Variants in SHC4 observed in about 807,000 individuals in gnomAD.
The protein encoded by SHC4 is SHC adaptor protein 4.
SHC4 carries 41 observed loss-of-function variants against 69.4 expected under a neutral mutation model. That is an observed-to-expected ratio of 0.59 (90% CI 0.46 to 0.77). SHC4 has a LOEUF of 0.77. SHC4 is among the 30% of genes least tolerant of loss of function. SHC4 has a pLI of 0.00. For missense variants in SHC4, 777 were observed against 783.8 expected (o/e 0.99, Z 0.10); for synonymous variants, 318 against 299.3 (o/e 1.06, Z -0.64).
chr15:48,896,174 C>T (rs2141008965), intron 2 of SHC4, among the ~76,000 whole-genome samples: 1 of 151,958 alleles, frequency 6.6e-6, no homozygotes, highest in Admixed American at 6.6e-5. Context: ...TTTGTACAAA[C>T]TTTCCTTCTT....
At chr15:48,911,947 G>A (rs1402381698) in intron 2 of SHC4, among the ~76,000 whole-genome samples, 1 of 152,152 alleles carries the variant, frequency 6.6e-6, no homozygotes, top group Non-Finnish European at 1.5e-5. Flanking sequence ...AGCTTGTAGG[G>A]TTTCTGCTGA....
chr15:48,926,507 G>A (rs1900856972), intron 1 of SHC4, among the ~76,000 whole-genome samples: 2 of 151,444 alleles, frequency 1.3e-5, no homozygotes, highest in African/African-American at 4.9e-5. Context: ...CTGTCACCCA[G>A]GCTGGTGTGC....
At chr15:48,887,969 G>C (rs1316203567) in intron 3 of SHC4, among the ~76,000 whole-genome samples, 1 of 152,138 alleles carries the variant, frequency 6.6e-6, no homozygotes, top group Non-Finnish European at 1.5e-5. Flanking sequence ...ATGTGAATAG[G>C]CTTGGTGAGA....
rs796981828 is a variant in SHC4, at chr15:48,856,044, G to C, written c.1151C>G (p.Pro384Arg). 1 of 1,613,826 alleles carries C rather than the reference G, an allele frequency of 6.2e-7. No individual in the cohort carries two copies. Among genetic ancestry groups the C allele is most frequent in the Admixed American group, 1.7e-5 (1 of 59,980 alleles). ...CCGCATATCTGAAACACCACCTACTGGTGGCTGCTTCCCTGGAATTTCATT... is the reference window on the plus strand; with the variant it reads ...CCGCATATCTGAAACACCACCTACTCGTGGCTGCTTCCCTGGAATTTCATT... Reference protein sequence around the residue: ...YYNEIPGKQPPVGGVSDMRIK... With the variant: ...YYNEIPGKQPRVGGVSDMRIK... The change falls in exon 8 of 12, where the codon CCA (proline) becomes CGA (arginine). Residue 384 changes from proline to arginine, a missense_variant. Transcript: ENST00000332408.
chr15:48,872,026 C>T (rs1899685844), intron 5 of SHC4, 63 bp downstream of exon 5: 2 of 1,007,728 alleles, frequency 2.0e-6, no homozygotes, highest in African/African-American at 1.6e-5. Flanking sequence ...TATTATCATC[C>T]AGCCCCAAAT....
intron 6 of SHC4, among the ~76,000 whole-genome samples, chr15:48,863,995 G>C (rs1899503869): frequency 6.6e-6 from 1 of 152,154 alleles, no homozygotes; most frequent in Admixed American, 6.5e-5. Flanking sequence ...TGCAGATGGA[G>C]TACTGAAAAT....
At chr15:48,895,306 T>C (rs558151942) in intron 2 of SHC4, among the ~76,000 whole-genome samples, 34 of 152,058 alleles carry the variant, frequency 2.2e-4, no homozygotes, top group Non-Finnish European at 4.6e-4. Context: ...GCAAATCCAG[T>C]TCTGACTTCA....
rs557525414 is a variant in SHC4 at position 48,932,505 on chromosome 15, G to A, written c.586-7556C>T. On this transcript the variant is annotated intron_variant, in intron 1 of 11. Transcript: ENST00000332408. The stretch of plus-strand genomic sequence containing the variant: ...TGAACTCTTTAGCCTTTTCCTCCCC[G>A]CTTTTGCCCTCTCATTTTGCACTCT... 5.3e-5 allele frequency among the ~76,000 whole-genome samples: 8 copies of A among 152,154 alleles called. No homozygotes were observed. The South Asian group carries it at 1.7e-3, about 32-fold the overall frequency.
intron 5 of SHC4, 130 bp from the exon 6 acceptor site, chr15:48,867,999 G>T: frequency 1.4e-6 from 1 of 702,428 alleles, no homozygotes; most frequent in South Asian, 2.0e-5. Flanking sequence ...GACAAGAAAA[G>T]CATTGTAAAA....
intron 2 of SHC4, among the ~76,000 whole-genome samples, chr15:48,895,632 A>C (rs1900209176): frequency 6.6e-6 from 1 of 152,060 alleles, no homozygotes; most frequent in Non-Finnish European, 1.5e-5. Flanking sequence ...GGCTGTGCCC[A>C]CCTGGGCAAA....
At chr15:48,905,713 T>C (rs1461695745) in intron 2 of SHC4, among the ~76,000 whole-genome samples, 1 of 152,252 alleles carries the variant, frequency 6.6e-6, no homozygotes, top group African/African-American at 2.4e-5. Context: ...ATTCATGTGT[T>C]TTAATCTCTG....
chr15:48,946,648 G>T, intron 1 of SHC4: 1 of 950,144 alleles, frequency 1.1e-6, no homozygotes, highest in Non-Finnish European at 1.3e-6. Context: ...TCACTGGATG[G>T]CTGTTCCCCA....
intron 6 of SHC4, among the ~76,000 whole-genome samples, chr15:48,862,996 A>G (rs1373491666): frequency 2.1e-5 from 3 of 140,094 alleles, no homozygotes; most frequent in Non-Finnish European, 3.1e-5. Context: ...CCTCCCTGCC[A>G]GCCCCACCCC....
intron 4 of SHC4, chr15:48,877,493 C>T: frequency 1.0e-6 from 1 of 984,180 alleles, no homozygotes; most frequent in Non-Finnish European, 1.2e-6. Flanking sequence ...TTAAAAAACA[C>T]ACAAAATAGT....
chr15:48,908,844 G>T (rs1029255714), intron 2 of SHC4, among the ~76,000 whole-genome samples: 11 of 152,070 alleles, frequency 7.2e-5, no homozygotes, highest in Non-Finnish European at 1.3e-4. Flanking sequence ...TTGCTTTGTT[G>T]AAGATCAGTT....
chr15:48,875,437 T>C (rs1306135021), intron 4 of SHC4, among the ~76,000 whole-genome samples: 3 of 152,248 alleles, frequency 2.0e-5, no homozygotes, highest in Admixed American at 1.3e-4. Flanking sequence ...TCCTGCCTGC[T>C]TCTAAGGACA....
At chr15:48,897,085 G>A (rs1339734173) in intron 2 of SHC4, among the ~76,000 whole-genome samples, 1 of 152,202 alleles carries the variant, frequency 6.6e-6, no homozygotes, top group Non-Finnish European at 1.5e-5. Context: ...GAGCTGAGTG[G>A]CGGTGAGACT....
chr15:48,962,770 T>C lies in SHC4; in HGVS notation c.246A>G (p.Pro82=), dbSNP rs114682457. The C allele has an allele frequency of 1.8e-3, 2,831 of 1,609,264 alleles. 40 individuals are homozygous for C. The African/African-American group carries it at 0.034, about 19-fold the overall frequency. Residue 82 remains proline (P), a synonymous_variant, in exon 1 of 12, where the codon CCA becomes CCG. Transcript: ENST00000332408. The stretch of plus-strand genomic sequence containing the variant: ...CCATGCGGGGGATCAAGGTGCACAG[T>C]GGGGTGGGGCTCTCCTGCGACGGCA... ...ATLPSQESPT[P]LCTLIPRMAS...
intron 10 of SHC4, among the ~76,000 whole-genome samples, chr15:48,835,512 T>C (rs1316698401): frequency 6.6e-6 from 1 of 152,248 alleles, no homozygotes; most frequent in Non-Finnish European, 1.5e-5. Flanking sequence ...AGTGTGTGTC[T>C]AGTCATTCTT....
Sources: gnomAD v4.1 joint callset for allele counts (sites outside exome capture counted in the v4.1 genomes callset) on GRCh38, gnomAD v4.1.1 for gene constraint, MANE v1.5 for transcripts, NCBI Gene and HGNC (gene_info 2026-07-23, HGNC 2026-07-21) for gene names.